CBR4: variants seen among roughly 807,000 people sequenced by gnomAD.
The protein encoded by CBR4 is 3-oxoacyl-[acyl-carrier-protein] reductase.
A neutral mutation model predicts 21.0 loss-of-function variants in CBR4; 22 were observed. That is an observed-to-expected ratio of 1.05 (90% CI 0.75 to 1.50). CBR4 has a LOEUF of 1.50. CBR4 is among the 40% of genes most tolerant of loss of function. CBR4 has a pLI of 0.00. For synonymous variants in CBR4, 100 were observed against 104.4 expected (o/e 0.96, Z 0.26); for missense variants, 302 against 286.3 (o/e 1.05, Z -0.40).
At chr4:169,002,775 G>C (rs1579021000) in intron 3 of CBR4, among the ~76,000 whole-genome samples, 4 of 142,518 alleles carry the variant, frequency 2.8e-5, no homozygotes, top group East Asian at 2.1e-4. Context: ...TTGAAGGCTT[G>C]TAGCAACCTT....
intron 2 of CBR4, among the ~76,000 whole-genome samples, chr4:168,935,019 C>T (rs940998790): frequency 6.6e-6 from 1 of 152,328 alleles, no homozygotes; most frequent in Middle Eastern, 3.4e-3. Context: ...CGGTCTGCAA[C>T]CCCCAGCAAG....
intron 4 of CBR4, among the ~76,000 whole-genome samples, chr4:168,992,409 A>T (rs904555874): frequency 3.5e-4 from 54 of 152,354 alleles, no homozygotes; most frequent in African/African-American, 1.3e-3. Flanking sequence ...GGTGTTATTC[A>T]GGTGACAGAT....
chr4:169,004,767 C>CA (rs1475535561), intron 3 of CBR4, among the ~76,000 whole-genome samples: 3 of 152,200 alleles, frequency 2.0e-5, no homozygotes, highest in Non-Finnish European at 4.4e-5. Context: ...TTCAATTATA[C>CA]ACTTTTTGTA....
rs1375072744 is a variant in CBR4 at position 168,988,138 on chromosome 4, T to C, written c.*2012A>G. 1.9e-5 allele frequency: 19 copies of C among 985,206 alleles called. 1 individual carries two copies. The highest frequency in any genetic ancestry group is 9.4e-5 in the South Asian group (2 of 21,292). 61.0% of individuals were successfully genotyped at this position (985,206 alleles called of 1,614,324 possible). A position where few individuals can be genotyped will look rare whatever the true frequency, so the allele number is the denominator to read the frequency against. On this transcript the variant is annotated 3_prime_UTR_variant, in exon 5 of 5. Transcript: ENST00000306193. ...AACAGTTCACAACTGATTTCAGAAATAGAAGGTAAGTATTAAATTACAAAT... is the reference window on the plus strand; with the variant it reads ...AACAGTTCACAACTGATTTCAGAAACAGAAGGTAAGTATTAAATTACAAAT...
downstream of CBR4, among the ~76,000 whole-genome samples, chr4:168,983,255 ATT>A (rs913799150): frequency 1.3e-5 from 2 of 152,170 alleles, no homozygotes; most frequent in Middle Eastern, 3.4e-3. Flanking sequence ...CCCCATAGAA[ATT>A]TTTTTTAATC....
chr4:169,010,018 C>T lies in CBR4; in HGVS notation c.72G>A (p.Arg24=). Residue 24 remains arginine (R), a synonymous_variant, in exon 1 of 5, where the codon CGG becomes CGA. Transcript: ENST00000306193. ...IGRAVAQLMA[R]KGYRLAVIAR... is the part of the protein sequence containing the mutation. ...CAATGACCGCCAGTCGGTAGCCTTT[C>T]CGGGCCATTAACTGGGCCACAGCTC... 1 of 1,613,910 alleles carries T rather than the reference C, an allele frequency of 6.2e-7. No homozygotes were observed. The highest frequency in any genetic ancestry group is 8.5e-7 in the Non-Finnish European group (1 of 1,179,976).
chr4:169,006,931 G>C (rs1349144121), intron 2 of CBR4, 40 bp from the exon 3 acceptor site: 6 of 1,536,350 alleles, frequency 3.9e-6, no homozygotes, highest in South Asian at 1.1e-5. Context: ...ATAATAACAA[G>C]ATAAAAACCA....
intron 2 of CBR4, among the ~76,000 whole-genome samples, chr4:168,958,060 T>C (rs1763739885): frequency 6.6e-6 from 1 of 152,152 alleles, no homozygotes; most frequent in Admixed American, 6.5e-5. Context: ...AGGTCAATAG[T>C]TCAAGACCAG....
chr4:168,961,371 AATATT>A (rs1763848317), intron 2 of CBR4, among the ~76,000 whole-genome samples: 1 of 152,176 alleles, frequency 6.6e-6, no homozygotes, highest in African/African-American at 2.4e-5. Flanking sequence ...ATATCTATAG[AATATT>A]ATATTATGAA....
intron 2 of CBR4, chr4:168,927,991 T>C (rs1762770610): frequency 1.5e-5 from 3 of 195,594 alleles, no homozygotes. Flanking sequence ...TTTATATCTG[T>C]GTACCACCCC....
chr4:168,924,363 C>T lies in CBR4; in HGVS notation n.170-29598G>A, dbSNP rs1162970866. 1 of 1,613,912 alleles carries T rather than the reference C, an allele frequency of 6.2e-7. No individual in the cohort carries two copies. The highest frequency in any genetic ancestry group is 8.5e-7 in the Non-Finnish European group (1 of 1,179,880). Reference sequence around the variant, plus strand: ...TGTCGTGTATTGGGAGTGCCACCACCTCAGATATTTTGGAAGAAAGAAAAT... The same window carrying T: ...TGTCGTGTATTGGGAGTGCCACCACTTCAGATATTTTGGAAGAAAGAAAAT... On this transcript the variant is annotated intron_variant and non_coding_transcript_variant, in intron 2 of 3. Coordinates refer to the CBR4 transcript ENST00000509108.
chr4:169,007,555 T>TA, intron 2 of CBR4, 81 bp downstream of exon 2: 1 of 827,540 alleles, frequency 1.2e-6, no homozygotes, highest in Non-Finnish European at 1.7e-6. Flanking sequence ...ATAAACATAT[T>TA]AACTTATACC....
intron 4 of CBR4, among the ~76,000 whole-genome samples, chr4:168,996,592 G>C (rs967234292): frequency 6.6e-6 from 1 of 151,788 alleles, no homozygotes; most frequent in Non-Finnish European, 1.5e-5. Context: ...ACAAGCTAAG[G>C]GTTCACTCTT....
chr4:168,993,530 G>A (rs1765027200), intron 4 of CBR4, among the ~76,000 whole-genome samples: 1 of 152,146 alleles, frequency 6.6e-6, no homozygotes, highest in African/African-American at 2.4e-5. Context: ...ATTTTCAAAA[G>A]TGCCTCAGAG....
At chr4:168,902,085 A>G (rs1177343595) in intron 2 of CBR4, among the ~76,000 whole-genome samples, 4 of 152,178 alleles carry the variant, frequency 2.6e-5, no homozygotes, top group African/African-American at 4.8e-5. Context: ...TTAGTGCTAT[A>G]TATTTCTGGT....
intron 2 of CBR4, among the ~76,000 whole-genome samples, chr4:168,922,263 C>T (rs1761736085): frequency 6.6e-6 from 1 of 151,974 alleles, no homozygotes; most frequent in Non-Finnish European, 1.5e-5. Flanking sequence ...TACATGAAGT[C>T]TTATGCTTTG....
chr4:168,989,304 T>C lies in CBR4; in HGVS notation c.*846A>G. The C allele has an allele frequency of 2.0e-6, 2 of 985,384 alleles. No homozygotes were observed. The highest frequency in any genetic ancestry group is 2.4e-6 in the Non-Finnish European group (2 of 829,892). 61.0% of individuals were successfully genotyped at this position (985,384 alleles called of 1,614,324 possible). On this transcript the variant is annotated 3_prime_UTR_variant, in exon 5 of 5. Coordinates refer to ENST00000306193, the MANE Select transcript of CBR4 (RefSeq NM_032783.5). ...AAAAACACATCCTAAGTTCATGAAATCTGTGCGGTTCACTACTGTACCAGG... is the reference window on the plus strand; with the variant it reads ...AAAAACACATCCTAAGTTCATGAAACCTGTGCGGTTCACTACTGTACCAGG...
At chr4:168,985,610 G>A (rs1764665045), downstream of CBR4, among the ~76,000 whole-genome samples, 1 of 152,110 alleles carries the variant, frequency 6.6e-6, no homozygotes, top group Non-Finnish European at 1.5e-5. Flanking sequence ...GTTCACAACA[G>A]CAAAGACATG....
At chr4:168,997,855 G>C (rs1765279746) in intron 4 of CBR4, among the ~76,000 whole-genome samples, 1 of 152,062 alleles carries the variant, frequency 6.6e-6, no homozygotes, top group Admixed American at 6.6e-5. Context: ...AAGTTTCTAG[G>C]ACTCAAAAAG....
Sources: gnomAD v4.1 joint callset for allele counts (sites outside exome capture counted in the v4.1 genomes callset) on GRCh38, gnomAD v4.1.1 for gene constraint, MANE v1.5 for transcripts, NCBI Gene and HGNC (gene_info 2026-07-23, HGNC 2026-07-21) for gene names.